Variants in SORBS2 observed in about 807,000 individuals in gnomAD.
SORBS2 encodes the protein sorbin and SH3 domain containing 2, also known as sorbin and SH3 domain-containing protein 2.
In SORBS2, 46 loss-of-function variants were observed where a neutral mutation model predicts 97.7. The ratio of observed to expected loss-of-function variants is 0.47; its 90% confidence interval spans 0.37 to 0.60. SORBS2 has a LOEUF of 0.60. Among genes scored for constraint, SORBS2 ranks in the 20% least tolerant of loss-of-function variants. The pLI is 0.00. For missense variants in SORBS2, 1,316 were observed against 1,282.3 expected (o/e 1.03, Z -0.40); for synonymous variants, 476 against 473.4 (o/e 1.01, Z -0.07).
chr4:185,731,862 CTCTCTATATATATATATATATATA>C (rs1283808102), intron 2 of SORBS2, among the ~76,000 whole-genome samples: 36 of 30,572 alleles, frequency 1.2e-3, no homozygotes, highest in East Asian at 3.3e-3. Flanking sequence ...CTCTCTCTCT[CTCTCTATATATATATATATATATA>C]TATATATATA....
rs904675913 is a variant in SORBS2 at position 185,607,575 on chromosome 4, C to T, written c.2796+4205G>A. On this transcript the variant is annotated intron_variant, in intron 12 of 14. Transcript: ENST00000418609. This position sits in a 1 kb window ranked among gnomAD's most constrained non-coding sequence, Gnocchi z 5.2. ...TCATTTATGTTAATTAGAAAAGTTACTTCACAAATGAAACTCTACTAGTTT... is the reference window on the plus strand; with the variant it reads ...TCATTTATGTTAATTAGAAAAGTTATTTCACAAATGAAACTCTACTAGTTT... Among the ~76,000 whole-genome samples the T allele has an allele frequency of 1.3e-5, 2 of 152,066 alleles. No individual in the cohort carries two copies. Among genetic ancestry groups the T allele is most frequent in the East Asian group, 3.8e-4 (2 of 5,198 alleles).
chr4:185,706,783 T>C lies in SORBS2; in HGVS notation c.-197-27961A>G, dbSNP rs1462241470. Reference sequence around the variant, plus strand: ...AGTTGTTTTAATCTTTATAATGATATAATGCTGCATATAATTACATTGCTA... The same window carrying C: ...AGTTGTTTTAATCTTTATAATGATACAATGCTGCATATAATTACATTGCTA... On this transcript the variant is annotated intron_variant, in intron 2 of 20. Coordinates refer to the SORBS2 transcript ENST00000284776. Among the ~76,000 whole-genome samples the C allele has an allele frequency of 2.0e-4, 31 of 152,360 alleles. No homozygotes were observed. The East Asian group carries it at 5.8e-3, about 28-fold the overall frequency.
chr4:185,946,918 G>A (rs951573107), intron 1 of SORBS2, among the ~76,000 whole-genome samples: 2 of 152,198 alleles, frequency 1.3e-5, no homozygotes, highest in African/African-American at 4.8e-5. Context: ...CTGACTATGT[G>A]TGCCAGGGTC....
intron 1 of SORBS2, among the ~76,000 whole-genome samples, chr4:185,783,736 A>G (rs2099042512): frequency 6.6e-6 from 1 of 152,196 alleles, no homozygotes; most frequent in African/African-American, 2.4e-5. Flanking sequence ...GGTTTCAGGC[A>G]GAGAGGCAGG....
At chr4:185,712,483 A>G (rs995815364) in intron 2 of SORBS2, among the ~76,000 whole-genome samples, 1 of 152,238 alleles carries the variant, frequency 6.6e-6, no homozygotes, top group African/African-American at 2.4e-5. Flanking sequence ...CTCAGAAGCC[A>G]CCAGTGCAAA....
intron 1 of SORBS2, among the ~76,000 whole-genome samples, chr4:185,815,150 G>T (rs2099192505): frequency 6.6e-6 from 1 of 152,158 alleles, no homozygotes; most frequent in Non-Finnish European, 1.5e-5. Context: ...AATATAATAG[G>T]TGCAGAGTAA....
Position 185,623,542 on chromosome 4 carries a change from A to G in SORBS2, c.1587T>C (p.Asp529=). The change falls in exon 7 of 15, where the codon GAT becomes GAC. Residue 529 remains aspartate, a synonymous_variant. Coordinates refer to ENST00000418609, the Ensembl canonical transcript of SORBS2. This position sits in a 1 kb window ranked among gnomAD's most constrained non-coding sequence, Gnocchi z 6.4. ...TTTCGGAGGATGTGAAGGAAAAGTG[A>G]TCAAAGTCACTTTCACTGCAGAAGG... 2 of 1,613,990 alleles carry G rather than the reference A, an allele frequency of 1.2e-6. No homozygotes were observed. Among genetic ancestry groups the G allele is most frequent in the Non-Finnish European group, 1.7e-6 (2 of 1,179,998 alleles).
At chr4:185,593,860 A>G (rs1421965608) in intron 13 of SORBS2, 26 bp downstream of exon 25, 2 of 1,521,416 alleles carry the variant, frequency 1.3e-6, no homozygotes, top group Non-Finnish European at 1.8e-6. Flanking sequence ...TTAGTCTCAA[A>G]TTTAGAAGAT....
chr4:185,661,817 T>C (rs2097526779), upstream of SORBS2, among the ~76,000 whole-genome samples: 1 of 152,214 alleles, frequency 6.6e-6, no homozygotes, highest in African/African-American at 2.4e-5. Flanking sequence ...TGTCCTCCAG[T>C]GGCACAAACC....
chr4:185,834,319 G>C (rs1490017901), intron 1 of SORBS2, among the ~76,000 whole-genome samples: 1 of 152,078 alleles, frequency 6.6e-6, no homozygotes, highest in Non-Finnish European at 1.5e-5. Flanking sequence ...CAACATTGAG[G>C]ATTACAATTC....
chr4:185,612,179 A>T (rs2153404393), intron 11 of SORBS2, among the ~76,000 whole-genome samples, 199 bp from the exon 24 acceptor site: 1 of 152,352 alleles, frequency 6.6e-6, no homozygotes, highest in Middle Eastern at 3.4e-3. Flanking sequence ...TGTAATTGAA[A>T]TGTCCATTCA....
intron 4 of SORBS2, among the ~76,000 whole-genome samples, chr4:185,641,959 G>A (rs557868095): frequency 1.3e-5 from 2 of 152,188 alleles, no homozygotes; most frequent in South Asian, 2.1e-4. Flanking sequence ...TGTGGTTATC[G>A]AGATTCCACT....
chr4:185,934,781 C>CAAAA (rs397996572), intron 1 of SORBS2, among the ~76,000 whole-genome samples: 13 of 100,842 alleles, frequency 1.3e-4, no homozygotes, highest in African/African-American at 2.2e-4. Context: ...GACTCCATCT[C>CAAAA]AAAAAAAAAA....
At chr4:185,594,315 C>T (rs2096032646) in intron 12 of SORBS2, among the ~76,000 whole-genome samples, 1 of 152,162 alleles carries the variant, frequency 6.6e-6, no homozygotes, top group Non-Finnish European at 1.5e-5. Flanking sequence ...AGCGTTTTCT[C>T]AAACAAGCAG....
intron 1 of SORBS2, among the ~76,000 whole-genome samples, chr4:185,892,796 T>C (rs1179248923): frequency 6.6e-6 from 1 of 152,148 alleles, no homozygotes; most frequent in Non-Finnish European, 1.5e-5. Context: ...GTTTAATGGG[T>C]ACACAGTATT....
intron 2 of SORBS2, 106 bp downstream of exon 4, chr4:185,690,456 C>G: frequency 1.7e-6 from 1 of 602,816 alleles, no homozygotes; most frequent in Non-Finnish European, 2.8e-6. Flanking sequence ...TAATCAGAAA[C>G]TCAGAATCAC....
intron 1 of SORBS2, among the ~76,000 whole-genome samples, chr4:185,882,850 C>T (rs1211831649): frequency 6.6e-6 from 1 of 152,156 alleles, no homozygotes. Context: ...AATTCTGGAG[C>T]TTGTGGTTAT....
chr4:185,792,343 A>C (rs543016902), intron 1 of SORBS2, among the ~76,000 whole-genome samples: 1 of 152,204 alleles, frequency 6.6e-6, no homozygotes, highest in Non-Finnish European at 1.5e-5. Context: ...AAAATACAAA[A>C]ATTAGCTGGG....
At chr4:185,742,958 C>G (rs1433539803) in intron 2 of SORBS2, among the ~76,000 whole-genome samples, 1 of 152,182 alleles carries the variant, frequency 6.6e-6, no homozygotes, top group Non-Finnish European at 1.5e-5. Context: ...ATCCTAACCT[C>G]TAAAGAGCCC....
Sources: allele counts gnomAD v4.1 joint callset (sites outside exome capture counted in the v4.1 genomes callset), GRCh38; gene constraint gnomAD v4.1.1; non-coding constraint Gnocchi (gnomAD v3.1); transcripts MANE v1.5; gene names NCBI Gene and HGNC (gene_info 2026-07-23, HGNC 2026-07-21).